Variants in ABHD3 observed in about 807,000 individuals in gnomAD.
ABHD3 encodes the protein phospholipase ABHD3.
Under a neutral mutation model 48.8 loss-of-function variants are expected in ABHD3, and 46 were observed. The ratio of observed to expected loss-of-function variants is 0.94; its 90% CI spans 0.74 to 1.20. ABHD3 has a LOEUF of 1.20. Among genes scored for constraint, ABHD3 ranks in the 50% most tolerant of loss-of-function variants. The pLI is 0.00. For synonymous variants in ABHD3, 192 were observed against 183.7 expected (o/e 1.04, Z -0.36); for missense variants, 490 against 497.8 (o/e 0.98, Z 0.15).
intron 6 of ABHD3, among the ~76,000 whole-genome samples, chr18:21,657,393 G>A (rs1252152477): frequency 1.3e-5 from 2 of 150,604 alleles, no homozygotes; most frequent in African/African-American, 4.9e-5. Flanking sequence ...AGGCTGGAGT[G>A]TAGTGGCATG....
intron 3 of ABHD3, chr18:21,702,043 CTCAG>C: frequency 7.9e-6 from 2 of 254,164 alleles, no homozygotes; most frequent in Non-Finnish European, 1.5e-5. Context: ...GGGGGAAGGG[CTCAG>C]TCAATGCTCA....
In ABHD3 at chr18:21,673,246, G is replaced by A. The variant is rs140563497; in HGVS notation, c.556-9016C>T. Among the ~76,000 whole-genome samples the A allele has an allele frequency of 4.1e-3, 618 of 152,284 alleles. 1 individual carries two copies. The highest frequency in any genetic ancestry group is 6.8e-3 in the Middle Eastern group (2 of 294). ...ATTTAAAATAAATTACAGATACCTGGACTCCACCCTTGACCAAATGAATCA... is the reference window on the plus strand; with the variant it reads ...ATTTAAAATAAATTACAGATACCTGAACTCCACCCTTGACCAAATGAATCA... On this transcript the variant is annotated intron_variant, in intron 4 of 8. Coordinates refer to ENST00000289119, the MANE Select transcript of ABHD3 (RefSeq NM_138340.5).
At chr18:21,702,947 A>G (rs1475028830) in intron 2 of ABHD3, among the ~76,000 whole-genome samples, 1 of 152,194 alleles carries the variant, frequency 6.6e-6, no homozygotes, top group Non-Finnish European at 1.5e-5. Flanking sequence ...GAAATAATTT[A>G]AATTATTTCT....
At chr18:21,697,633 G>A (rs988351950) in intron 3 of ABHD3, among the ~76,000 whole-genome samples, 4 of 152,242 alleles carry the variant, frequency 2.6e-5, no homozygotes, top group East Asian at 1.9e-4. Context: ...CACCCGCCTC[G>A]GCCTCCCAAG....
At chr18:21,702,873 T>C (rs2040543282) in intron 2 of ABHD3, among the ~76,000 whole-genome samples, 1 of 152,246 alleles carries the variant, frequency 6.6e-6, no homozygotes, top group African/African-American at 2.4e-5. Context: ...CTCTGACCAC[T>C]GCTCTAGCTC....
chr18:21,671,900 G>A (rs185634592), intron 4 of ABHD3, among the ~76,000 whole-genome samples: 5 of 152,104 alleles, frequency 3.3e-5, no homozygotes, highest in Admixed American at 2.0e-4. Flanking sequence ...GCCTCCCAAA[G>A]TATTGGGATT....
chr18:21,657,136 CAA>C lies in ABHD3; in HGVS notation c.857_858del (p.Phe286CysfsTer5), dbSNP rs1249705366. ...ACATGATCCATATCAACTTGTTTTA[CAA>C]ACATATGTCGGTGCCTGGAACAAAA... ...QSSVNKHRHMFVKQVDMDHVM... is the reference protein window; with the variant it reads ...QSSVNKHRHMXVKQVDMDHVM... On this transcript the variant is annotated frameshift_variant, in exon 7 of 9. Transcript: ENST00000289119. LOFTEE classifies it high-confidence loss of function. The C allele has an allele frequency of 6.2e-7, 1 of 1,610,770 alleles. No homozygotes were observed. The highest frequency in any genetic ancestry group is 8.5e-7 in the Non-Finnish European group (1 of 1,178,446).
chr18:21,663,915 A>T, intron 5 of ABHD3: 1 of 1,432,796 alleles, frequency 7.0e-7, no homozygotes, highest in Non-Finnish European at 9.1e-7. Flanking sequence ...AGAGACCCGT[A>T]GTTAAGAAAA....
intron 5 of ABHD3, among the ~76,000 whole-genome samples, chr18:21,659,659 A>AGC (rs1436188605): frequency 6.6e-6 from 1 of 151,036 alleles, no homozygotes; most frequent in Non-Finnish European, 1.5e-5. Context: ...AATCACCTAG[A>AGC]GTTTTTTTTT....
intron 4 of ABHD3, among the ~76,000 whole-genome samples, chr18:21,674,388 C>T (rs7238114): frequency 0.31 from 47,249 of 151,648 alleles, 10,182 homozygotes; most frequent in African/African-American, 0.58. Context: ...ACTACAGGCA[C>T]GTGCCACCAT....
chr18:21,680,373 T>C (rs1183006950), intron 4 of ABHD3, among the ~76,000 whole-genome samples: 2 of 152,170 alleles, frequency 1.3e-5, no homozygotes, highest in African/African-American at 4.8e-5. Flanking sequence ...AAGTACACAT[T>C]ATCATATTCA....
intron 3 of ABHD3, among the ~76,000 whole-genome samples, chr18:21,688,035 G>A (rs9947461): frequency 0.02 from 3,006 of 152,336 alleles, 98 homozygotes; most frequent in African/African-American, 0.065. Context: ...AGATGGACCA[G>A]AGAACCTTGA....
At chr18:21,659,660 G>GA (rs747987237) in intron 5 of ABHD3, among the ~76,000 whole-genome samples, 66 of 146,664 alleles carry the variant, frequency 4.5e-4, no homozygotes, top group Non-Finnish European at 7.1e-4. Context: ...ATCACCTAGA[G>GA]TTTTTTTTTT....
At chr18:21,675,842 C>T (rs1301406812) in intron 4 of ABHD3, among the ~76,000 whole-genome samples, 1 of 152,086 alleles carries the variant, frequency 6.6e-6, no homozygotes, top group Non-Finnish European at 1.5e-5. Flanking sequence ...CCTGTAATCC[C>T]AGCACTTTGG....
intron 4 of ABHD3, among the ~76,000 whole-genome samples, chr18:21,668,692 T>G (rs1353660594): frequency 6.6e-6 from 1 of 152,200 alleles, no homozygotes; most frequent in East Asian, 1.9e-4. Flanking sequence ...ATACAGTGAA[T>G]AAATCATTAT....
chr18:21,703,568 A>C lies in ABHD3; in HGVS notation c.326+16T>G, dbSNP rs745328178. 1.9e-6 allele frequency: 3 copies of C among 1,588,740 alleles called. No individual in the cohort carries two copies. The African/African-American group carries it at 4.0e-5, about 21-fold the overall frequency. ...TGTGATTTTGCAGAAATGACTGAAA[A>C]CGGAAATTCACTTACTTCCTGTACT... is the stretch of plus-strand genomic sequence containing the variant. On this transcript the variant is annotated intron_variant, in intron 2 of 8. Coordinates refer to ENST00000289119, the MANE Select transcript of ABHD3 (RefSeq NM_138340.5).
intron 3 of ABHD3, among the ~76,000 whole-genome samples, chr18:21,698,714 T>C (rs2040442014): frequency 6.6e-6 from 1 of 151,886 alleles, no homozygotes; most frequent in South Asian, 2.1e-4. Flanking sequence ...GTAGCTGGGA[T>C]GACAGGTGTC....
chr18:21,664,304 C>A, intron 4 of ABHD3, 74 bp from the exon 5 acceptor site: 1 of 1,408,826 alleles, frequency 7.1e-7, no homozygotes, highest in Non-Finnish European at 9.8e-7. Context: ...GAAATGTAAA[C>A]AGGAGCAAGG....
At chr18:21,686,968 T>G (rs1330062465) in intron 3 of ABHD3, among the ~76,000 whole-genome samples, 1 of 152,180 alleles carries the variant, frequency 6.6e-6, no homozygotes, top group East Asian at 1.9e-4. Flanking sequence ...CAGGCTGGAG[T>G]GCAGTGACAC....
Sources: allele counts gnomAD v4.1 joint callset (sites outside exome capture counted in the v4.1 genomes callset), GRCh38; gene constraint gnomAD v4.1.1; transcripts MANE v1.5; gene names NCBI Gene and HGNC (gene_info 2026-07-23, HGNC 2026-07-21).